Variants in MAX observed in about 807,000 individuals in gnomAD.
MAX encodes the protein protein max.
MAX carries 3 observed loss-of-function variants against 22.3 expected under a neutral mutation model. The ratio of observed to expected loss-of-function variants is 0.13; its 90% confidence interval spans 0.06 to 0.35. MAX has a LOEUF of 0.35. Ranked by LOEUF, MAX falls within the 10% of genes least tolerant of loss-of-function variation. MAX has a pLI of 1.00. For synonymous variants in MAX, 72 were observed against 77.7 expected, an observed-to-expected ratio of 0.93 and a Z score of 0.39; for missense variants, 119 against 209.4, an observed-to-expected ratio of 0.57 and a Z score of 2.66.
chr14:65,075,785 C>T lies in MAX; in HGVS notation c.*691G>A. On this transcript the variant is annotated 3_prime_UTR_variant, in exon 5 of 5. Transcript: ENST00000358664. This position sits in a 1 kb window ranked among gnomAD's most constrained non-coding sequence, Gnocchi z 4.1. ...TCTCCCATACATACCACGAGAGTGT[C>T]ACACGGCCCTCCGTGAGGCTGGCGC... 9.4e-7 allele frequency: 1 copy of T among 1,066,774 alleles called. No individual in the cohort carries two copies. Among genetic ancestry groups the T allele is most frequent in the Non-Finnish European group, 1.1e-6 (1 of 880,096 alleles). 66.1% of individuals were successfully genotyped at this position (1,066,774 alleles called of 1,614,324 possible).
In MAX at chr14:65,076,634, C is replaced by T. The variant is rs2139741730; in HGVS notation, c.325G>A (p.Ala109Thr). ...VRALEKARSS[A>T]QLQTNYPSSD... ...GAGGGGTAGTTGGTCTGCAGTTGGG[C>T]ACTTGACCTCGCCTTCTCCAGTGCA... Residue 109 changes from alanine (A) to threonine (T), a missense_variant, in exon 5 of 5, where the codon GCC (alanine) becomes ACC (threonine). Around this residue, in one of 3 missense-constraint regions of MAX, gnomAD observed 95 missense variants for 148.1 expected, o/e 0.64. Transcript: ENST00000358664. This position sits in a 1 kb window ranked among gnomAD's most constrained non-coding sequence, Gnocchi z 6.6. 1.2e-6 allele frequency: 2 copies of T among 1,614,128 alleles called. No individual in the cohort carries two copies. The highest frequency in any genetic ancestry group is 1.7e-6 in the Non-Finnish European group (2 of 1,180,032).
chr14:65,026,440 G>A (rs935533643), intron 3 of MAX, among the ~76,000 whole-genome samples: 1 of 152,156 alleles, frequency 6.6e-6, no homozygotes, highest in Non-Finnish European at 1.5e-5. Context: ...CCAAGAACCC[G>A]CAGACTGGGA....
chr14:65,072,933 G>A (rs1336993314), downstream of MAX, among the ~76,000 whole-genome samples: 1 of 152,202 alleles, frequency 6.6e-6, no homozygotes, highest in Non-Finnish European at 1.5e-5. Flanking sequence ...CTGAGGAGTG[G>A]GAAGCATTTG....
At chr14:65,086,586 C>T (rs2063339088) in intron 3 of MAX, among the ~76,000 whole-genome samples, 1 of 152,152 alleles carries the variant, frequency 6.6e-6, no homozygotes, top group Non-Finnish European at 1.5e-5. Flanking sequence ...ATAAGTGGAA[C>T]TTTGAACTTC....
intron 3 of MAX, among the ~76,000 whole-genome samples, chr14:65,016,942 A>ATTTTT (rs2061786398): frequency 1.6e-5 from 1 of 61,560 alleles, no homozygotes; most frequent in African/African-American, 6.8e-5. Context: ...TTTTTTTTTG[A>ATTTTT]GACAGAGTTT....
rs1038736701 is a variant in MAX, at chr14:65,047,029, A to G, written c.172-40745T>C. On this transcript the variant is annotated intron_variant, in intron 3 of 3. Coordinates refer to the MAX transcript ENST00000341653. This position sits in a 1 kb window ranked among gnomAD's most constrained non-coding sequence, Gnocchi z 5.2. Reference sequence around the variant, plus strand: ...AATTTCTTTAATTTGAAAAAAAATCATACAAACCAGTAAGAAATGGATGGA... The same window carrying G: ...AATTTCTTTAATTTGAAAAAAAATCGTACAAACCAGTAAGAAATGGATGGA... 3.3e-5 allele frequency among the ~76,000 whole-genome samples: 5 copies of G among 152,218 alleles called. No homozygotes were observed. Among genetic ancestry groups the G allele is most frequent in the Admixed American group, 2.0e-4 (3 of 15,286 alleles).
At chr14:65,048,652 AG>A (rs1356848032) in intron 3 of MAX, among the ~76,000 whole-genome samples, 13 of 152,214 alleles carry the variant, frequency 8.5e-5, no homozygotes, top group Non-Finnish European at 1.9e-4. Flanking sequence ...CAGGAGTTCA[AG>A]ACCAGCCTGG....
Position 65,042,249 on chromosome 14 carries a change from C to T in MAX, c.172-35965G>A, listed in dbSNP as rs2062370061. Among the ~76,000 whole-genome samples, 3 of 152,076 alleles carry T rather than the reference C, an allele frequency of 2.0e-5. No individual in the cohort carries two copies. The South Asian group carries it at 6.2e-4, about 32-fold the overall frequency. On this transcript the variant is annotated intron_variant, in intron 3 of 3. Transcript: ENST00000341653. ...TCAAGTACATTACATTTATTGTGTA[C>T]TTTATTTCTATTATTACACTGTAAT...
rs1039929750 is a variant in MAX at position 65,031,445 on chromosome 14, G to T, written c.172-25161C>A. 6.6e-6 allele frequency among the ~76,000 whole-genome samples: 1 copy of T among 151,638 alleles called. No homozygotes were observed. The highest frequency in any genetic ancestry group is 1.5e-5 in the Non-Finnish European group (1 of 67,896). On this transcript the variant is annotated intron_variant, in intron 3 of 3. Transcript: ENST00000341653. This position sits in a 1 kb window ranked among gnomAD's most constrained non-coding sequence, Gnocchi z 4.6. ...TGGTTCTCCTGCCTCAGCCTCCCAA[G>T]TAGTTGGGACTACGGGCACACGCCA... is the stretch of plus-strand genomic sequence containing the variant.
chr14:65,062,661 C>G lies in MAX; in HGVS notation c.171+31047G>C, dbSNP rs893501746. On this transcript the variant is annotated intron_variant, in intron 3 of 3. Coordinates refer to the MAX transcript ENST00000341653. This position sits in a 1 kb window ranked among gnomAD's most constrained non-coding sequence, Gnocchi z 4.3. ...AAGAATAACATTTTCTATGATGTCT[C>G]TTATTTGTGATCTGTACCAAGAAAA... 4 of 152,630 alleles carry G rather than the reference C, an allele frequency of 2.6e-5. No individual in the cohort carries two copies. The highest frequency in any genetic ancestry group is 9.7e-5 in the African/African-American group (4 of 41,438). The allele number at this position is 152,630 out of a possible 1,614,324, so 9.5% of individuals were successfully genotyped here. A position where few individuals can be genotyped will look rare whatever the true frequency, so the allele number is the denominator to read the frequency against.
chr14:65,022,142 A>C (rs190128092), intron 3 of MAX: 2 of 450,222 alleles, frequency 4.4e-6, no homozygotes, highest in Middle Eastern at 3.4e-4. Flanking sequence ...CCTCTTCACT[A>C]TATCAAGCTG....
chr14:65,052,072 G>A (rs545199135), intron 3 of MAX, among the ~76,000 whole-genome samples: 4 of 152,116 alleles, frequency 2.6e-5, no homozygotes, highest in East Asian at 1.9e-4. Context: ...TGGGATTACA[G>A]GCATAAGCCA....
At chr14:65,036,100 T>C (rs1250464439) in intron 3 of MAX, among the ~76,000 whole-genome samples, 2 of 152,020 alleles carry the variant, frequency 1.3e-5, no homozygotes, top group Admixed American at 1.3e-4. Context: ...CACAAAGTGT[T>C]GGAATTACAG....
rs147305307 is a variant in MAX, at chr14:65,021,889, G to A, written c.172-15605C>T. Reference sequence around the variant, plus strand: ...TCAAACTCCTGGCCTTAAGTGATCCGCCCACGTCGGCCTCCCAAAGTGCTA... The same window carrying A: ...TCAAACTCCTGGCCTTAAGTGATCCACCCACGTCGGCCTCCCAAAGTGCTA... On this transcript the variant is annotated intron_variant, in intron 3 of 3. Coordinates refer to the MAX transcript ENST00000341653. The A allele has an allele frequency of 1.0e-3, 458 of 454,794 alleles. 2 individuals carry two copies. The highest frequency in any genetic ancestry group is 8.1e-3 in the African/African-American group (407 of 50,104). The allele number at this position is 454,794 out of a possible 1,614,324, so 28.2% of individuals were successfully genotyped here. A position where few individuals can be genotyped will look rare whatever the true frequency, so the allele number is the denominator to read the frequency against.
chr14:65,049,641 G>A lies in MAX; in HGVS notation c.172-43357C>T, dbSNP rs546288063. ...TAGTTTTTTATATAATAAACATAGC[G>A]TTTTCTTTTCAGACTCTAATTTTAG... On this transcript the variant is annotated intron_variant, in intron 3 of 3. Coordinates refer to the MAX transcript ENST00000341653. 7.2e-4 allele frequency among the ~76,000 whole-genome samples: 109 copies of A among 152,070 alleles called. 1 individual carries two copies. Among genetic ancestry groups the A allele is most frequent in the African/African-American group, 2.5e-3 (104 of 41,504 alleles).
At chr14:65,015,293 G>C (rs546175765) in intron 3 of MAX, among the ~76,000 whole-genome samples, 1 of 151,886 alleles carries the variant, frequency 6.6e-6, no homozygotes, top group South Asian at 2.1e-4. Flanking sequence ...AATAGAGACA[G>C]GGTTTCGCCA....
In MAX at chr14:65,027,902, G is replaced by T; in HGVS notation, c.172-21618C>A. ...CTGCTTTGTCCCAGAATGACACATGGGATGACATGTCAGTGACACGTCAGA... is the reference window on the plus strand; with the variant it reads ...CTGCTTTGTCCCAGAATGACACATGTGATGACATGTCAGTGACACGTCAGA... On this transcript the variant is annotated intron_variant, in intron 3 of 3. Coordinates refer to the MAX transcript ENST00000341653. The surrounding 1 kb of genome is among the most constrained non-coding windows in gnomAD (Gnocchi z 5.7). 1 of 1,277,292 alleles carries T rather than the reference G, an allele frequency of 7.8e-7. No individual in the cohort carries two copies. The highest frequency in any genetic ancestry group is 1.1e-6 in the Non-Finnish European group (1 of 907,312). The allele number at this position is 1,277,292 out of a possible 1,614,324, so 79.1% of individuals were successfully genotyped here.
chr14:65,031,982 G>GTGTGTGTGTGTGTGTGTGTA lies in MAX; in HGVS notation c.172-25699_172-25698insTACACACACACACACACACA, dbSNP rs2062095617. Among the ~76,000 whole-genome samples the GTGTGTGTGTGTGTGTGTGTA allele has an allele frequency of 1.1e-5, 1 of 94,904 alleles. No individual in the cohort carries two copies. The highest frequency in any genetic ancestry group is 5.0e-5 in the African/African-American group (1 of 19,940). 62.3% of individuals were successfully genotyped at this position (94,904 alleles called of 152,430 possible). On this transcript the variant is annotated intron_variant, in intron 3 of 3. Transcript: ENST00000341653. This position sits in a 1 kb window ranked among gnomAD's most constrained non-coding sequence, Gnocchi z 4.6. The stretch of plus-strand genomic sequence containing the variant: ...GACGTGCGCCTTTTTCATTTAACGT[G>GTGTGTGTGTGTGTGTGTGTA]TGTGTGTGTGTGTGTGTGTGTGTGT...
intron 3 of MAX, among the ~76,000 whole-genome samples, chr14:65,052,150 T>A (rs1791876931): frequency 6.6e-6 from 1 of 152,226 alleles, no homozygotes; most frequent in African/African-American, 2.4e-5. Context: ...CAGTTCTTTT[T>A]ATGATACAGT....
Sources: allele counts gnomAD v4.1 joint callset (sites outside exome capture counted in the v4.1 genomes callset), GRCh38; gene constraint gnomAD v4.1.1; regional missense constraint gnomAD v4.1.1; non-coding constraint Gnocchi (gnomAD v3.1); transcripts MANE v1.5; gene names NCBI Gene and HGNC (gene_info 2026-07-23, HGNC 2026-07-21).